BCAS1: variants seen among roughly 807,000 people sequenced by gnomAD.
The protein encoded by BCAS1 is breast carcinoma-amplified sequence 1.
Under a neutral mutation model 65.4 loss-of-function variants are expected in BCAS1, and 46 were observed. That is an observed-to-expected ratio of 0.70 (90% CI 0.55 to 0.90). The LOEUF is 0.90. Among genes scored for constraint, BCAS1 ranks in the 40% least tolerant of loss-of-function variants. BCAS1 has a pLI of 0.00. For missense variants in BCAS1, 793 were observed against 771.2 expected (o/e 1.03, Z -0.33); for synonymous variants, 298 against 293.5 (o/e 1.02, Z -0.16).
intron 4 of BCAS1, among the ~76,000 whole-genome samples, chr20:54,009,729 C>T: frequency 6.6e-6 from 1 of 152,088 alleles, no homozygotes; most frequent in East Asian, 1.9e-4. Context: ...AAGATAGTTA[C>T]CAAAAACTTG....
intron 3 of BCAS1, among the ~76,000 whole-genome samples, chr20:54,035,400 CAAA>C (rs1288429763): frequency 1.9e-4 from 12 of 62,064 alleles, no homozygotes; most frequent in Non-Finnish European, 9.7e-5. Flanking sequence ...GACTCCGTCT[CAAA>C]AAAAAAAAAA....
chr20:54,025,776 C>CTTT (rs1440202566), intron 4 of BCAS1, among the ~76,000 whole-genome samples: 144 of 152,300 alleles, frequency 9.5e-4, no homozygotes, highest in African/African-American at 3.0e-3. Flanking sequence ...AAGAAAGCCA[C>CTTT]TGATTGAGAA....
At chr20:53,971,717 T>C (rs1271355077) in intron 9 of BCAS1, among the ~76,000 whole-genome samples, 1 of 152,250 alleles carries the variant, frequency 6.6e-6, no homozygotes, top group Admixed American at 6.5e-5. Context: ...TAAAGGCCAC[T>C]TTCTTTCTAA....
intron 8 of BCAS1, among the ~76,000 whole-genome samples, chr20:53,981,357 A>C (rs941213888): frequency 2.6e-5 from 4 of 152,200 alleles, no homozygotes; most frequent in African/African-American, 9.6e-5. Context: ...TTTGAAACAA[A>C]TCACCCAAAT....
chr20:53,971,297 G>C (rs2090173302), intron 9 of BCAS1, among the ~76,000 whole-genome samples: 1 of 152,200 alleles, frequency 6.6e-6, no homozygotes, highest in Non-Finnish European at 1.5e-5. Context: ...AACAAGAACT[G>C]CATGTCCTTA....
intron 4 of BCAS1, among the ~76,000 whole-genome samples, chr20:54,011,352 G>T (rs962834704): frequency 1.3e-5 from 2 of 151,890 alleles, no homozygotes; most frequent in African/African-American, 2.4e-5. Flanking sequence ...CTAGTATTTA[G>T]AATACATTTA....
chr20:53,964,107 G>T (rs2089964005), intron 10 of BCAS1, among the ~76,000 whole-genome samples: 1 of 152,188 alleles, frequency 6.6e-6, no homozygotes, highest in South Asian at 2.1e-4. Context: ...TGCATGAAAT[G>T]CAAAAAGTTG....
chr20:53,945,833 T>C (rs1055454994), intron 12 of BCAS1, among the ~76,000 whole-genome samples: 1 of 152,180 alleles, frequency 6.6e-6, no homozygotes, highest in Non-Finnish European at 1.5e-5. Flanking sequence ...AGTACAGTGG[T>C]GGGACTATGT....
chr20:53,994,608 C>T (rs931039727), intron 6 of BCAS1, among the ~76,000 whole-genome samples: 4 of 152,198 alleles, frequency 2.6e-5, no homozygotes, highest in Non-Finnish European at 4.4e-5. Context: ...TTAGAGTCCA[C>T]GTCCTACTGA....
intron 4 of BCAS1, 138 bp downstream of exon 4, chr20:54,028,254 G>T: frequency 1.3e-6 from 1 of 785,986 alleles, no homozygotes; most frequent in Non-Finnish European, 2.2e-6. Context: ...CTGCTGCAAT[G>T]TGCTATTTGT....
At chr20:53,962,738 G>T (rs2089915411) in intron 10 of BCAS1, among the ~76,000 whole-genome samples, 1 of 152,160 alleles carries the variant, frequency 6.6e-6, no homozygotes, top group Non-Finnish European at 1.5e-5. Context: ...GCAGGAGCCC[G>T]CAGGATTTCT....
At chr20:54,058,590 G>GTTTTT in intron 2 of BCAS1, 57 bp downstream of exon 2, 2 of 1,259,248 alleles carry the variant, frequency 1.6e-6, no homozygotes, top group Non-Finnish European at 2.1e-6. Context: ...AATACAGGAA[G>GTTTTT]TTCTTTTTTT....
At chr20:54,042,502 C>T (rs201418732) in intron 3 of BCAS1, among the ~76,000 whole-genome samples, 6 of 152,120 alleles carry the variant, frequency 3.9e-5, no homozygotes, top group African/African-American at 4.8e-5. Flanking sequence ...CCCAACAGCA[C>T]GTACAGTATG....
intron 1 of BCAS1, among the ~76,000 whole-genome samples, chr20:54,069,503 C>A (rs543460961): frequency 9.7e-4 from 148 of 152,254 alleles, no homozygotes; most frequent in Admixed American, 1.3e-3. Flanking sequence ...CTGGCTGCAC[C>A]CTCATCCCAG....
chr20:53,987,041 A>G (rs1025208422), intron 7 of BCAS1, among the ~76,000 whole-genome samples: 8 of 152,222 alleles, frequency 5.3e-5, no homozygotes, highest in African/African-American at 1.4e-4. Context: ...CAAGGGCACA[A>G]CCTGGCCTCA....
chr20:54,023,540 G>A (rs1306393321), intron 4 of BCAS1, among the ~76,000 whole-genome samples: 1 of 152,166 alleles, frequency 6.6e-6, no homozygotes, highest in Non-Finnish European at 1.5e-5. Context: ...TTAGCTTCAT[G>A]GAGAACCTGG....
rs187236888 is a variant in BCAS1 at position 54,053,355 on chromosome 20, C to A, written c.142+4730G>T. Among the ~76,000 whole-genome samples the A allele has an allele frequency of 2.2e-3, 328 of 152,208 alleles. 1 individual carries two copies. Among genetic ancestry groups the A allele is most frequent in the Non-Finnish European group, 3.3e-3 (223 of 68,006 alleles). ...GTGGTTTGCTCTTACTAAGAAAAAGCACTCTACACGATACATTTCTTTCTA... is the reference window on the plus strand; with the variant it reads ...GTGGTTTGCTCTTACTAAGAAAAAGAACTCTACACGATACATTTCTTTCTA... On this transcript the variant is annotated intron_variant, in intron 3 of 12. Transcript: ENST00000688948.
chr20:53,994,888 T>TACACACACACACACACACAC lies in BCAS1; in HGVS notation c.927+104_927+123dup, dbSNP rs11471603. ...AATTGCTAATTATATATAGATATGA[T>TACACACACACACACACACAC]ACACACACACACACACACACACACA... is the stretch of plus-strand genomic sequence containing the variant. On this transcript the variant is annotated intron_variant, in intron 6 of 12. Transcript: ENST00000688948. The TACACACACACACACACACAC allele has an allele frequency of 1.1e-4, 63 of 556,992 alleles. 1 individual carries two copies. Among genetic ancestry groups the TACACACACACACACACACAC allele is most frequent in the African/African-American group, 1.0e-3 (51 of 48,604 alleles). The allele number at this position is 556,992 out of a possible 1,614,324, so 34.5% of individuals were successfully genotyped here. A position where few individuals can be genotyped will look rare whatever the true frequency, so the allele number is the denominator to read the frequency against.
chr20:54,029,828 C>T (rs2146111187), intron 3 of BCAS1, among the ~76,000 whole-genome samples: 1 of 152,346 alleles, frequency 6.6e-6, no homozygotes, highest in Non-Finnish European at 1.5e-5. Context: ...GCAGCAGAGT[C>T]TGGCTTCAGG....
Sources: gnomAD v4.1 joint callset for allele counts (sites outside exome capture counted in the v4.1 genomes callset) on GRCh38, gnomAD v4.1.1 for gene constraint, MANE v1.5 for transcripts, NCBI Gene and HGNC (gene_info 2026-07-23, HGNC 2026-07-21) for gene names.